RABGAP1L: variants seen among roughly 807,000 people sequenced by gnomAD.
The protein encoded by RABGAP1L is RAB GTPase activating protein 1 like, also known as rab GTPase-activating protein 1-like.
RABGAP1L carries 63 observed loss-of-function variants against 137.7 expected under a neutral mutation model. The ratio of observed to expected loss-of-function variants is 0.46; its 90% confidence interval spans 0.37 to 0.56. RABGAP1L has a LOEUF of 0.56. Among genes scored for constraint, RABGAP1L ranks in the 20% least tolerant of loss-of-function variants. The pLI is 0.00. For synonymous variants in RABGAP1L, 431 were observed against 433.7 expected, an observed-to-expected ratio of 0.99 and a Z score of 0.08; for missense variants, 1,095 against 1,244.0, an observed-to-expected ratio of 0.88 and a Z score of 1.80.
intron 13 of RABGAP1L, among the ~76,000 whole-genome samples, chr1:174,407,624 A>G (rs1256985304): frequency 2.0e-5 from 3 of 152,082 alleles, no homozygotes; most frequent in Non-Finnish European, 4.4e-5. Flanking sequence ...AATTATTATT[A>G]TTATCATTAT....
chr1:174,218,728 C>T (rs1361556470), intron 1 of RABGAP1L, among the ~76,000 whole-genome samples: 1 of 151,902 alleles, frequency 6.6e-6, no homozygotes, highest in Non-Finnish European at 1.5e-5. Context: ...ATAGCAGTGT[C>T]AGTGAATATG....
At chr1:174,857,674 CT>C (rs1649550806) in intron 19 of RABGAP1L, among the ~76,000 whole-genome samples, 1 of 152,090 alleles carries the variant, frequency 6.6e-6, no homozygotes, top group Non-Finnish European at 1.5e-5. Context: ...TCAATAATAT[CT>C]ACACCAACAT....
intron 19 of RABGAP1L, among the ~76,000 whole-genome samples, chr1:174,850,795 C>T (rs1378577121): frequency 6.6e-6 from 1 of 152,120 alleles, no homozygotes; most frequent in Non-Finnish European, 1.5e-5. Flanking sequence ...ATCATATGAG[C>T]CTTGAAAGCA....
intron 13 of RABGAP1L, among the ~76,000 whole-genome samples, chr1:174,564,126 T>C (rs901889405): frequency 3.3e-5 from 5 of 152,202 alleles, no homozygotes; most frequent in African/African-American, 1.2e-4. Context: ...CTATTTATGG[T>C]ATATCATTGT....
At chr1:174,200,923 CA>C (rs1370084448) in intron 1 of RABGAP1L, among the ~76,000 whole-genome samples, 2 of 152,166 alleles carry the variant, frequency 1.3e-5, no homozygotes, top group Non-Finnish European at 2.9e-5. Context: ...CAGTTATCCA[CA>C]TCTGAAGTCA....
chr1:174,241,411 A>T, intron 4 of RABGAP1L, 72 bp from the exon 5 acceptor site: 1 of 1,062,166 alleles, frequency 9.4e-7, no homozygotes, highest in Non-Finnish European at 1.3e-6. Context: ...TAAAAAAAAA[A>T]ACCTAACTGG....
chr1:174,209,024 G>C (rs1668688534), intron 1 of RABGAP1L, among the ~76,000 whole-genome samples: 2 of 152,266 alleles, frequency 1.3e-5, no homozygotes, highest in Middle Eastern at 3.4e-3. Context: ...GGATGAAACT[G>C]TTCTACCTCA....
intron 13 of RABGAP1L, among the ~76,000 whole-genome samples, chr1:174,414,063 A>G (rs1650260200): frequency 6.6e-6 from 1 of 152,200 alleles, no homozygotes; most frequent in African/African-American, 2.4e-5. Flanking sequence ...GTAAGTTTTT[A>G]TAAATTATAA....
chr1:174,960,180 A>G (rs1008760134), intron 20 of RABGAP1L, among the ~76,000 whole-genome samples: 1 of 152,126 alleles, frequency 6.6e-6, no homozygotes, highest in Non-Finnish European at 1.5e-5. Context: ...GGTTGTGGGA[A>G]ATTTATTTTT....
At chr1:174,973,193 T>G (rs938809324) in intron 21 of RABGAP1L, among the ~76,000 whole-genome samples, 3 of 152,160 alleles carry the variant, frequency 2.0e-5, no homozygotes, top group Non-Finnish European at 2.9e-5. Context: ...CCACAACAAT[T>G]GCTGCAGATG....
intron 19 of RABGAP1L, among the ~76,000 whole-genome samples, chr1:174,894,789 C>T (rs965148758): frequency 1.1e-4 from 16 of 152,174 alleles, no homozygotes; most frequent in African/African-American, 3.1e-4. Flanking sequence ...GAGACAGTTG[C>T]TCTGTCGCCC....
chr1:174,339,187 G>A (rs543029136), intron 11 of RABGAP1L, among the ~76,000 whole-genome samples: 1 of 152,020 alleles, frequency 6.6e-6, no homozygotes, highest in Non-Finnish European at 1.5e-5. Flanking sequence ...ATTTCTAGTA[G>A]AAAATATCTT....
At chr1:174,352,737 C>T (rs1225108354) in intron 11 of RABGAP1L, among the ~76,000 whole-genome samples, 1 of 152,120 alleles carries the variant, frequency 6.6e-6, no homozygotes, top group Non-Finnish European at 1.5e-5. Context: ...TCCATGTATT[C>T]AATGGGAATT....
rs149809710 is a variant in RABGAP1L at position 174,734,428 on chromosome 1, A to T, written c.2170-17885A>T. ...ATTTAGAGTCAGGACCTCATTAAAA[A>T]AATAAAAATAAAAAGGAACTGAAAA... On this transcript the variant is annotated intron_variant, in intron 17 of 25. Coordinates refer to ENST00000681986, the MANE Select transcript of RABGAP1L (RefSeq NM_001366446.1). Among the ~76,000 whole-genome samples, 49 of 152,274 alleles carry T rather than the reference A, an allele frequency of 3.2e-4. 1 individual carries two copies. In the East Asian group the frequency reaches 7.7e-3, roughly 24 times the overall value.
chr1:174,901,714 C>G (rs1484584555), intron 19 of RABGAP1L, among the ~76,000 whole-genome samples: 1 of 152,174 alleles, frequency 6.6e-6, no homozygotes, highest in Non-Finnish European at 1.5e-5. Context: ...TGTGTTCTTG[C>G]TGGAGAAGTG....
chr1:174,309,599 A>C (rs966163341), intron 11 of RABGAP1L, among the ~76,000 whole-genome samples: 1 of 152,058 alleles, frequency 6.6e-6, no homozygotes, highest in African/African-American at 2.4e-5. Context: ...CTTCTGTATT[A>C]GTTGAAATTA....
intron 19 of RABGAP1L, among the ~76,000 whole-genome samples, chr1:174,929,202 C>G (rs766232778): frequency 3.3e-5 from 5 of 151,998 alleles, no homozygotes; most frequent in African/African-American, 4.8e-5. Flanking sequence ...TACCCTAGAA[C>G]TTAAAATACA....
At chr1:174,499,144 A>C (rs1271864621) in intron 13 of RABGAP1L, among the ~76,000 whole-genome samples, 1 of 152,118 alleles carries the variant, frequency 6.6e-6, no homozygotes, top group Non-Finnish European at 1.5e-5. Flanking sequence ...GCTACCACAT[A>C]TAATGCATTA....
chr1:174,743,630 CTAAAA>C (rs1253621996), intron 17 of RABGAP1L, among the ~76,000 whole-genome samples: 1 of 151,394 alleles, frequency 6.6e-6, no homozygotes, highest in African/African-American at 2.4e-5. Flanking sequence ...ACCTTTGAAC[CTAAAA>C]TAAAAGTTTA....
Sources: gnomAD v4.1 joint callset for allele counts (sites outside exome capture counted in the v4.1 genomes callset) on GRCh38, gnomAD v4.1.1 for gene constraint, MANE v1.5 for transcripts, NCBI Gene and HGNC (gene_info 2026-07-23, HGNC 2026-07-21) for gene names.